MGAT5: variants seen among roughly 807,000 people sequenced by gnomAD.
The protein encoded by MGAT5 is alpha-1,6-mannosylglycoprotein 6-beta-N-acetylglucosaminyltransferase A.
A neutral mutation model predicts 94.3 loss-of-function variants in MGAT5; 30 were observed. That is an observed-to-expected ratio of 0.32 (90% CI 0.24 to 0.43). The LOEUF is 0.43. MGAT5 is among the 20% of genes least tolerant of loss of function. The pLI is 1.00. For missense variants in MGAT5, 691 were observed against 905.5 expected, an observed-to-expected ratio of 0.76 and a Z score of 3.04; for synonymous variants, 310 against 322.9, an observed-to-expected ratio of 0.96 and a Z score of 0.43.
intron 2 of MGAT5, among the ~76,000 whole-genome samples, chr2:134,306,409 C>A (rs1216897079): frequency 6.6e-6 from 1 of 152,036 alleles, no homozygotes; most frequent in Admixed American, 6.6e-5. Context: ...TGAAAAAGAT[C>A]TAAAGCATTT....
chr2:134,366,884 C>T (rs545113207), intron 10 of MGAT5, among the ~76,000 whole-genome samples: 1 of 152,316 alleles, frequency 6.6e-6, no homozygotes, highest in African/African-American at 2.4e-5. Context: ...CTGCTTTTAT[C>T]AGACTGCTGC....
At chr2:134,397,391 G>A (rs1682776954) in intron 10 of MGAT5, among the ~76,000 whole-genome samples, 1 of 152,144 alleles carries the variant, frequency 6.6e-6, no homozygotes, top group Non-Finnish European at 1.5e-5. Context: ...GCTGGCTCCT[G>A]CCTCACCAGG....
At chr2:134,142,337 T>G (rs143033471) in intron 1 of MGAT5, among the ~76,000 whole-genome samples, 1 of 152,220 alleles carries the variant, frequency 6.6e-6, no homozygotes, top group Non-Finnish European at 1.5e-5. Flanking sequence ...ATTTACAGGC[T>G]GAGCCAAAGA....
chr2:134,430,518 T>TGAAG (rs1286047045), intron 14 of MGAT5, among the ~76,000 whole-genome samples: 1 of 152,132 alleles, frequency 6.6e-6, no homozygotes, highest in South Asian at 2.1e-4. Flanking sequence ...ACAGAAACAA[T>TGAAG]GAAGGAAGGA....
chr2:134,301,232 CT>C (rs1451158923), intron 2 of MGAT5, among the ~76,000 whole-genome samples: 1 of 152,102 alleles, frequency 6.6e-6, no homozygotes, highest in East Asian at 1.9e-4. Context: ...CAGAGCAGTA[CT>C]TTGTTGTATG....
At chr2:134,174,677 A>T (rs1211716877) in intron 1 of MGAT5, among the ~76,000 whole-genome samples, 1 of 152,252 alleles carries the variant, frequency 6.6e-6, no homozygotes, top group African/African-American at 2.4e-5. Context: ...TAAACATGAT[A>T]AAATAAAGCA....
chr2:134,385,690 A>G (rs545518442), intron 10 of MGAT5, among the ~76,000 whole-genome samples: 194 of 152,358 alleles, frequency 1.3e-3, no homozygotes, highest in Non-Finnish European at 2.3e-3. Context: ...GTAAGGTTGG[A>G]TATTTATAAA....
intron 1 of MGAT5, among the ~76,000 whole-genome samples, chr2:134,167,832 T>C (rs1249831229): frequency 6.6e-6 from 1 of 152,230 alleles, no homozygotes; most frequent in Non-Finnish European, 1.5e-5. Flanking sequence ...CTACAACTAT[T>C]ATCTCTGTAA....
intron 11 of MGAT5, 35 bp from the exon 12 acceptor site, chr2:134,412,834 T>C (rs751844102): frequency 1.9e-6 from 3 of 1,611,066 alleles, no homozygotes; most frequent in Non-Finnish European, 8.5e-7. Flanking sequence ...TCCTGCCTGA[T>C]GTGTTCATAC....
At chr2:134,338,117 A>C in intron 5 of MGAT5, 142 bp from the exon 6 acceptor site, 1 of 669,670 alleles carries the variant, frequency 1.5e-6, no homozygotes, top group South Asian at 2.5e-5. Flanking sequence ...CTTAAAGTCA[A>C]AGCTGCAGCA....
chr2:134,149,260 A>G (rs935763455), intron 1 of MGAT5, among the ~76,000 whole-genome samples: 1 of 152,214 alleles, frequency 6.6e-6, no homozygotes, highest in African/African-American at 2.4e-5. Flanking sequence ...AGATAAAGAA[A>G]GCTTCCTTAC....
chr2:134,428,901 T>C (rs1383138162), intron 14 of MGAT5, among the ~76,000 whole-genome samples: 2 of 152,162 alleles, frequency 1.3e-5, no homozygotes, highest in African/African-American at 2.4e-5. Flanking sequence ...TATATGTATA[T>C]AAAACAGATA....
At chr2:134,343,267 A>G (rs1331774449) in intron 7 of MGAT5, among the ~76,000 whole-genome samples, 1 of 152,224 alleles carries the variant, frequency 6.6e-6, no homozygotes, top group Non-Finnish European at 1.5e-5. Context: ...CTTGGAAACT[A>G]GGACTATAAA....
chr2:134,278,145 T>G (rs571822407), intron 2 of MGAT5, among the ~76,000 whole-genome samples: 9 of 152,254 alleles, frequency 5.9e-5, no homozygotes, highest in Non-Finnish European at 1.2e-4. Flanking sequence ...CCGAAAATTC[T>G]TCTCATTGTT....
rs192891727 is a variant in MGAT5, at chr2:134,161,324, C to T, written c.-143+41033C>T. Among the ~76,000 whole-genome samples, 39 of 152,238 alleles carry T rather than the reference C, an allele frequency of 2.6e-4. 1 individual carries two copies. The highest frequency in any genetic ancestry group is 9.4e-4 in the African/African-American group (39 of 41,540). On this transcript the variant is annotated intron_variant, in intron 1 of 16. Transcript: ENST00000409645. The stretch of plus-strand genomic sequence containing the variant: ...GGCTAGCCTTGGGGGCTGGGTTGGG[C>T]CTGGGAGCAACGGGAAGGAAGTGAA...
At chr2:134,354,496 C>T (rs1244812114) in intron 9 of MGAT5, among the ~76,000 whole-genome samples, 4 of 152,166 alleles carry the variant, frequency 2.6e-5, no homozygotes, top group African/African-American at 9.7e-5. Context: ...AATGTGTTTG[C>T]GTTCTTAAAT....
In MGAT5 at chr2:134,173,994, A is replaced by G. The variant is rs568715178; in HGVS notation, c.-143+53703A>G. Among the ~76,000 whole-genome samples, 20 of 152,302 alleles carry G rather than the reference A, an allele frequency of 1.3e-4. No individual in the cohort carries two copies. The South Asian group carries it at 4.1e-3, about 32-fold the overall frequency. On this transcript the variant is annotated intron_variant, in intron 1 of 16. Transcript: ENST00000409645. ...TCATCATCTCTCTTCTGACTTAGGT[A>G]GGAAGAAGTTGTCCTGGCTTTATGC... is the stretch of plus-strand genomic sequence containing the variant.
chr2:134,264,466 C>T (rs1270239882), intron 1 of MGAT5, among the ~76,000 whole-genome samples: 1 of 152,316 alleles, frequency 6.6e-6, no homozygotes, highest in East Asian at 1.9e-4. Context: ...CCTAAGTTTA[C>T]AGTCTAGTGA....
At chr2:134,284,440 G>T (rs1032521763) in intron 2 of MGAT5, among the ~76,000 whole-genome samples, 2 of 152,166 alleles carry the variant, frequency 1.3e-5, no homozygotes, top group Admixed American at 1.3e-4. Context: ...CCACAAAATT[G>T]AAAATATTTC....
Sources: allele counts gnomAD v4.1 joint callset (sites outside exome capture counted in the v4.1 genomes callset), GRCh38; gene constraint gnomAD v4.1.1; transcripts MANE v1.5; gene names NCBI Gene and HGNC (gene_info 2026-07-23, HGNC 2026-07-21).